EDA: variants seen among roughly 807,000 people sequenced by gnomAD.
EDA encodes ectodysplasin-A.
EDA carries 2 observed loss-of-function variants against 23.6 expected under a neutral mutation model. The ratio of observed to expected loss-of-function variants is 0.08; its 90% CI spans 0.03 to 0.27. EDA has a LOEUF of 0.27. EDA is among the 10% of genes least tolerant of loss of function. EDA has a pLI of 1.00. For missense variants in EDA, 229 were observed against 324.2 expected (o/e 0.71, Z 2.26); for synonymous variants, 131 against 132.0 (o/e 0.99, Z 0.05).
At chrX:69,889,007 T>TATATATATATATATAG (rs1233806310) in intron 1 of EDA, among the ~76,000 whole-genome samples, 12 of 72,345 alleles carry the variant, frequency 1.7e-4, no homozygotes, top group Non-Finnish European at 2.9e-4. Flanking sequence ...TATATATATA[T>TATATATATATATATAG]ATATATATAT....
intron 1 of EDA, among the ~76,000 whole-genome samples, chrX:69,955,906 A>AAGCCATTTACCAAAGTAAATCTTTT (rs2018993186): frequency 1.8e-5 from 2 of 112,109 alleles, no homozygotes; most frequent in Admixed American, 1.9e-4. Context: ...TACCACAGTA[A>AAGCCATTTACCAAAGTAAATCTTTT]AGCACTCATG....
At chrX:69,828,367 G>T (rs1435300048) in intron 1 of EDA, among the ~76,000 whole-genome samples, 3 of 112,454 alleles carry the variant, frequency 2.7e-5, no homozygotes, top group Non-Finnish European at 5.6e-5. Context: ...GTGGGCGTAG[G>T]ACCCTCCGAG....
intron 1 of EDA, among the ~76,000 whole-genome samples, chrX:69,822,472 A>T (rs1215383512): frequency 9.0e-6 from 1 of 111,160 alleles, no homozygotes; most frequent in Admixed American, 9.6e-5. Context: ...GCTAGAGAAG[A>T]GCATTGAGGG....
chrX:69,644,921 G>T (rs1262171275), intron 1 of EDA, among the ~76,000 whole-genome samples: 1 of 111,994 alleles, frequency 8.9e-6, no homozygotes, highest in Non-Finnish European at 1.9e-5. Flanking sequence ...CACGTTTATT[G>T]ATTTGTGTAC....
At chrX:69,740,961 T>C (rs1182627776) in intron 1 of EDA, among the ~76,000 whole-genome samples, 2 of 109,930 alleles carry the variant, frequency 1.8e-5, no homozygotes, top group Non-Finnish European at 3.8e-5. Context: ...TTAGTTATTA[T>C]ACTTTTCAAC....
intron 1 of EDA, among the ~76,000 whole-genome samples, chrX:69,667,964 A>G (rs909763561): frequency 1.3e-4 from 14 of 111,973 alleles, no homozygotes; most frequent in Non-Finnish European, 2.1e-4. Context: ...CAACCTATTC[A>G]TGAGGGCAAA....
At chrX:69,699,814 G>T (rs759016665) in intron 1 of EDA, among the ~76,000 whole-genome samples, 1 of 110,659 alleles carries the variant, frequency 9.0e-6, no homozygotes, top group South Asian at 3.9e-4. Flanking sequence ...TCTGCGCAGG[G>T]TTTAAAGGCT....
chrX:69,763,085 C>T (rs1254013791), intron 1 of EDA, among the ~76,000 whole-genome samples: 1 of 112,049 alleles, frequency 8.9e-6, no homozygotes, highest in African/African-American at 3.2e-5. Flanking sequence ...CTTTTAGGAG[C>T]TCATGATTGG....
At chrX:69,951,507 C>T (rs1374759646) in intron 1 of EDA, among the ~76,000 whole-genome samples, 2 of 111,388 alleles carry the variant, frequency 1.8e-5, no homozygotes, top group East Asian at 5.6e-4. Context: ...TGTGCCAGGC[C>T]CAGGGCTAGG....
chrX:69,630,713 C>T (rs764936556), intron 1 of EDA, among the ~76,000 whole-genome samples: 1 of 112,117 alleles, frequency 8.9e-6, no homozygotes, highest in Non-Finnish European at 1.9e-5. Flanking sequence ...TAATTACTAC[C>T]TTATATTTTC....
rs1229239878 is a variant in EDA at position 69,645,614 on chromosome X, A to G, written c.396+28910A>G. Among the ~76,000 whole-genome samples, 3 of 34,937 alleles carry G rather than the reference A, an allele frequency of 8.6e-5. 1 individual carries two copies. The highest frequency in any genetic ancestry group is 1.4e-4 in the Non-Finnish European group (3 of 20,979). The allele number at this position is 34,937 out of a possible 115,157, so 30.3% of individuals were successfully genotyped here. ...TATATGTGTGTGTGTATATATATAT[A>G]TGTGTGTGTATATATATATATGTAT... On this transcript the variant is annotated intron_variant, in intron 1 of 7. Coordinates refer to ENST00000374552, the MANE Select transcript of EDA (RefSeq NM_001399.5).
At chrX:70,022,212 G>C (rs1035756886) in intron 2 of EDA, among the ~76,000 whole-genome samples, 1 of 111,220 alleles carries the variant, frequency 9.0e-6, no homozygotes, top group Non-Finnish European at 1.9e-5. Flanking sequence ...AACACCTTGG[G>C]TTTTCTAAGT....
intron 2 of EDA, among the ~76,000 whole-genome samples, chrX:70,002,973 G>C (rs1186138569): frequency 8.9e-6 from 1 of 112,353 alleles, no homozygotes; most frequent in Non-Finnish European, 1.9e-5. Context: ...CCAGCCATCT[G>C]CTGGAACACA....
At chrX:69,951,729 A>G (rs1448914304) in intron 1 of EDA, among the ~76,000 whole-genome samples, 1 of 112,350 alleles carries the variant, frequency 8.9e-6, no homozygotes, top group African/African-American at 3.2e-5. Flanking sequence ...GAGAGTCACT[A>G]GCAATAATGG....
chrX:69,679,766 A>C (rs1934260403), intron 1 of EDA, among the ~76,000 whole-genome samples: 1 of 110,305 alleles, frequency 9.1e-6, no homozygotes, highest in Non-Finnish European at 1.9e-5. Context: ...CTTTTCAAAA[A>C]CCCAGCTCCT....
chrX:69,880,355 A>G (rs1026296124), intron 1 of EDA, among the ~76,000 whole-genome samples: 1 of 112,369 alleles, frequency 8.9e-6, no homozygotes, highest in African/African-American at 3.2e-5. Flanking sequence ...GAGCCAGACC[A>G]TGACCAGGAG....
Position 69,616,238 on chromosome X carries a change from CAG to C in EDA, c.-68_-67del. On this transcript the variant is annotated 5_prime_UTR_variant, in exon 1 of 8. It removes the in-frame stop codon of an upstream open reading frame in the 5' UTR. Coordinates refer to ENST00000374552, the MANE Select transcript of EDA (RefSeq NM_001399.5). ...CGATGGCAGGACAGTAGCCGCCTGT[CAG>C]AGGTCGTGAACGGCTGAGGCAGACG... 1 of 1,122,761 alleles carries C rather than the reference CAG, an allele frequency of 8.9e-7. No individual in the cohort carries two copies. The highest frequency in any genetic ancestry group is 2.0e-5 in the South Asian group (1 of 51,029). The allele number at this position is 1,122,761 out of a possible 1,213,427, so 92.5% of individuals were successfully genotyped here. A position where few individuals can be genotyped will look rare whatever the true frequency, so the allele number is the denominator to read the frequency against.
intron 1 of EDA, among the ~76,000 whole-genome samples, chrX:69,702,358 G>A (rs2011557500): frequency 9.0e-6 from 1 of 110,774 alleles, no homozygotes; most frequent in Admixed American, 9.6e-5. Context: ...GTGGCAGGAT[G>A]GGTTTACAGT....
At chrX:69,780,151 C>T (rs1251937629) in intron 1 of EDA, among the ~76,000 whole-genome samples, 2 of 157 alleles carry the variant, frequency 0.013, no homozygotes, top group Non-Finnish European at 0.024. Context: ...ACCTGTATCC[C>T]TTATAACATT....
Sources: allele counts gnomAD v4.1 joint callset (sites outside exome capture counted in the v4.1 genomes callset), GRCh38; gene constraint gnomAD v4.1.1; transcripts MANE v1.5; gene names NCBI Gene and HGNC (gene_info 2026-07-23, HGNC 2026-07-21).